GABRR1: variants seen among roughly 807,000 people sequenced by gnomAD.
GABRR1 encodes the protein gamma-aminobutyric acid type A receptor subunit rho1, also known as gamma-aminobutyric acid receptor subunit rho-1.
Under a neutral mutation model 55.5 loss-of-function variants are expected in GABRR1, and 59 were observed. The ratio of observed to expected loss-of-function variants is 1.06; its 90% confidence interval spans 0.86 to 1.32. The LOEUF (loss-of-function observed/expected upper bound fraction) is 1.32, where lower values mean the gene tolerates loss of function less well. Among genes scored for constraint, GABRR1 ranks in the 40% most tolerant of loss-of-function variants. GABRR1 has a pLI of 0.00. For missense variants in GABRR1, 602 were observed against 619.1 expected (o/e 0.97, Z 0.29); for synonymous variants, 213 against 226.0 (o/e 0.94, Z 0.51).
intron 5 of GABRR1, among the ~76,000 whole-genome samples, chr6:89,192,278 T>C (rs544975234): frequency 6.6e-6 from 1 of 152,128 alleles, no homozygotes; most frequent in East Asian, 1.9e-4. Context: ...ATTCTCCAGC[T>C]CTTGGTTCAC....
chr6:89,191,607 C>T (rs1238638565), intron 5 of GABRR1, among the ~76,000 whole-genome samples: 2 of 152,194 alleles, frequency 1.3e-5, no homozygotes, highest in Non-Finnish European at 2.9e-5. Flanking sequence ...ATATAACTTA[C>T]ACATAAAGCA....
upstream of GABRR1, among the ~76,000 whole-genome samples, chr6:89,220,809 C>T (rs377608836): frequency 6.6e-6 from 1 of 152,150 alleles, no homozygotes; most frequent in East Asian, 1.9e-4. Context: ...CAACCTCTGC[C>T]TCCCAGGTTC....
chr6:89,206,088 C>T (rs1430236197), intron 1 of GABRR1, among the ~76,000 whole-genome samples: 1 of 152,096 alleles, frequency 6.6e-6, no homozygotes, highest in African/African-American at 2.4e-5. Context: ...CCCCATGCCC[C>T]ACCCCTGCTG....
At chr6:89,202,065 A>G (rs7770066) in intron 2 of GABRR1, among the ~76,000 whole-genome samples, 104,708 of 151,918 alleles carry the variant, frequency 0.69, 36,375 homozygotes, top group East Asian at 0.92. Context: ...CCTTGCCCTC[A>G]AGGGAAATGC....
intron 1 of GABRR1, among the ~76,000 whole-genome samples, chr6:89,216,272 C>T (rs544666882): frequency 1.3e-5 from 2 of 152,320 alleles, no homozygotes; most frequent in African/African-American, 4.8e-5. Flanking sequence ...TCCTCCTAAC[C>T]CCAAACTCCC....
At chr6:89,181,541 A>G (rs1469000106) in intron 8 of GABRR1, among the ~76,000 whole-genome samples, 3 of 152,168 alleles carry the variant, frequency 2.0e-5, no homozygotes, top group African/African-American at 7.2e-5. Context: ...ACAATTTCCC[A>G]CAAAGATTCT....
chr6:89,183,680 TA>T (rs35402800), intron 7 of GABRR1, among the ~76,000 whole-genome samples: 6 of 149,200 alleles, frequency 4.0e-5, no homozygotes, highest in Admixed American at 1.3e-4. Context: ...ACTCTTCCAT[TA>T]AAAAAAAAAG....
intron 7 of GABRR1, among the ~76,000 whole-genome samples, chr6:89,184,528 C>T (rs1771833342): frequency 6.6e-6 from 1 of 152,060 alleles, no homozygotes; most frequent in South Asian, 2.1e-4. Flanking sequence ...AAGAGAGTCA[C>T]CAGGAGGGGC....
At chr6:89,203,302 T>A in intron 2 of GABRR1, 133 bp downstream of exon 2, 1 of 814,432 alleles carries the variant, frequency 1.2e-6, no homozygotes, top group Non-Finnish European at 2.1e-6. Context: ...CAGGCTCCCC[T>A]TCCTCTGGTC....
At chr6:89,197,466 G>A (rs1288115380) in intron 5 of GABRR1, among the ~76,000 whole-genome samples, 2 of 152,166 alleles carry the variant, frequency 1.3e-5, no homozygotes, top group African/African-American at 2.4e-5. Context: ...CCAGGCCAGC[G>A]CTTCATGAGC....
At chr6:89,181,800 C>T in intron 8 of GABRR1, 105 bp downstream of exon 8, 1 of 1,177,630 alleles carries the variant, frequency 8.5e-7, no homozygotes, top group Non-Finnish European at 1.2e-6. Flanking sequence ...GTCATAACGC[C>T]AAAAGGGATA....
At chr6:89,183,966 G>C (rs895602418) in intron 7 of GABRR1, among the ~76,000 whole-genome samples, 8 of 152,136 alleles carry the variant, frequency 5.3e-5, no homozygotes, top group African/African-American at 1.9e-4. Context: ...TCAGCTGGGC[G>C]CAGTGGTTCA....
rs1205935723 is a variant in GABRR1, at chr6:89,217,217, T to A, written c.106A>T (p.Met36Leu). 1 of 1,614,080 alleles carries A rather than the reference T, an allele frequency of 6.2e-7. No individual in the cohort carries two copies. Among genetic ancestry groups the A allele is most frequent in the South Asian group, 1.1e-5 (1 of 91,056 alleles). The change falls in exon 1 of 10, where the codon ATG becomes TTG. Residue 36 changes from methionine (M) to leucine (L), a missense_variant. By Grantham distance (15) the Met-to-Leu change is conservative. Coordinates refer to ENST00000454853, the MANE Select transcript of GABRR1 (RefSeq NM_002042.5). The part of the protein sequence containing the change: ...MHWPGREVHE[M>L]SKKGRPQRQR... ...TCCACTCACCTGCCTTTCTTAGACA[T>A]CTCGTGGACTTCTCTTCCGGGCCAG...
At chr6:89,214,168 C>T (rs1772914405) in intron 1 of GABRR1, among the ~76,000 whole-genome samples, 1 of 83,314 alleles carries the variant, frequency 1.2e-5, no homozygotes, top group Admixed American at 1.1e-4. Context: ...AGTCTTGTTA[C>T]TGATCTTAGA....
chr6:89,229,021 C>G (rs1300496985), intron 1 of GABRR1, among the ~76,000 whole-genome samples: 1 of 151,378 alleles, frequency 6.6e-6, no homozygotes, highest in Non-Finnish European at 1.5e-5. Context: ...ATGTAATGGC[C>G]TTCTTTGTCT....
At chr6:89,192,806 C>T (rs912576267) in intron 5 of GABRR1, among the ~76,000 whole-genome samples, 10 of 152,132 alleles carry the variant, frequency 6.6e-5, no homozygotes, top group Admixed American at 1.3e-4. Context: ...GATGATCCAC[C>T]GGATCAGCCT....
At chr6:89,180,943 G>A (rs1771700211) in intron 8 of GABRR1, among the ~76,000 whole-genome samples, 1 of 152,066 alleles carries the variant, frequency 6.6e-6, no homozygotes, top group African/African-American at 2.4e-5. Context: ...CTGGGCCTGC[G>A]TCGACAGCTG....
At chr6:89,200,342 G>T (rs1001773821) in intron 3 of GABRR1, among the ~76,000 whole-genome samples, 1 of 147,884 alleles carries the variant, frequency 6.8e-6, no homozygotes, top group Admixed American at 6.9e-5. Flanking sequence ...TCCGCCTCCT[G>T]GGGTCAAGCA....
chr6:89,200,039 G>T (rs1772414577), intron 3 of GABRR1, among the ~76,000 whole-genome samples: 1 of 151,960 alleles, frequency 6.6e-6, no homozygotes, highest in Non-Finnish European at 1.5e-5. Flanking sequence ...ATCAATTCCT[G>T]CCCCCCTTCT....
Sources: allele counts gnomAD v4.1 joint callset (sites outside exome capture counted in the v4.1 genomes callset), GRCh38; gene constraint gnomAD v4.1.1; transcripts MANE v1.5; gene names NCBI Gene and HGNC (gene_info 2026-07-23, HGNC 2026-07-21).